NUTM2B: variants seen among roughly 807,000 people sequenced by gnomAD.
NUTM2B encodes the protein NUT family member 2B.
Under a neutral mutation model 42.4 loss-of-function variants are expected in NUTM2B, and 2 were observed. The observed-to-expected ratio is 0.05, with a 90% confidence interval of 0.02 to 0.15. The LOEUF is 0.15. Ranked by LOEUF, NUTM2B falls within the 10% of genes least tolerant of loss-of-function variation. NUTM2B has a pLI of 1.00. For missense variants in NUTM2B, 58 were observed against 952.6 expected, an observed-to-expected ratio of 0.06 and a Z score of 12.36; for synonymous variants, 18 against 402.4, an observed-to-expected ratio of 0.04 and a Z score of 11.43.
chr10:79,701,125 C>T (rs1398813467), upstream of NUTM2B, among the ~76,000 whole-genome samples: 1 of 152,076 alleles, frequency 6.6e-6, no homozygotes, highest in African/African-American at 2.4e-5. Flanking sequence ...TTCATTCCTG[C>T]TCATGCCTTT....
the NUTM2B span, among the ~76,000 whole-genome samples, chr10:79,694,846 G>A: frequency 3.3e-5 from 5 of 152,010 alleles, no homozygotes; most frequent in African/African-American, 1.2e-4. Flanking sequence ...AACACAGATC[G>A]GTGCCTCCTC....
chr10:79,707,243 C>T (rs1840410020), intron 2 of NUTM2B, among the ~76,000 whole-genome samples: 1 of 132,490 alleles, frequency 7.5e-6, no homozygotes, highest in Non-Finnish European at 1.6e-5. Context: ...GTCTCGGGCC[C>T]TGCACTGGGG....
chr10:79,697,656 T>A, the NUTM2B span, among the ~76,000 whole-genome samples: 1 of 152,266 alleles, frequency 6.6e-6, no homozygotes, highest in Non-Finnish European at 1.5e-5. Context: ...TTCTATTTTT[T>A]TCTTTTGTTA....
At chr10:79,700,940 G>C (rs2434100), upstream of NUTM2B, among the ~76,000 whole-genome samples, 1 of 152,120 alleles carries the variant, frequency 6.6e-6, no homozygotes, top group Non-Finnish European at 1.5e-5. Flanking sequence ...CTCCATGACC[G>C]TGCCTCTGAG....
the NUTM2B span, among the ~76,000 whole-genome samples, chr10:79,694,568 C>T: frequency 4.1e-3 from 619 of 152,134 alleles, 25 homozygotes; most frequent in Non-Finnish European, 9.6e-4. Context: ...CTCCAGAACC[C>T]AGCTCCCAGC....
the NUTM2B span, among the ~76,000 whole-genome samples, chr10:79,696,745 A>C: frequency 2.6e-5 from 4 of 152,258 alleles, no homozygotes; most frequent in African/African-American, 9.6e-5. Context: ...TTAAGATGTT[A>C]ATGATTCACC....
At chr10:79,695,500 C>T in the NUTM2B span, among the ~76,000 whole-genome samples, 2 of 152,172 alleles carry the variant, frequency 1.3e-5, no homozygotes, top group Non-Finnish European at 2.9e-5. Flanking sequence ...CCTGCCTTAG[C>T]CCCGAAGCCT....
chr10:79,709,402 C>T (rs1187157431), intron 3 of NUTM2B, among the ~76,000 whole-genome samples: 1 of 134,990 alleles, frequency 7.4e-6, no homozygotes, highest in Non-Finnish European at 1.6e-5. Context: ...CAGGAGTCTC[C>T]CAGGCCTCGT....
chr10:79,699,235 T>C (rs1480573517), upstream of NUTM2B, among the ~76,000 whole-genome samples: 3 of 151,850 alleles, frequency 2.0e-5, no homozygotes, highest in Non-Finnish European at 2.9e-5. Context: ...TTATTGCCCA[T>C]GTGCACAAGA....
intron 2 of NUTM2B, among the ~76,000 whole-genome samples, chr10:79,706,955 G>A (rs551138281): frequency 1.0e-4 from 11 of 109,936 alleles, no homozygotes; most frequent in African/African-American, 3.7e-4. Flanking sequence ...TCACTGTCCC[G>A]TGAGTCCGGC....
chr10:79,701,462 G>C (rs1379030637), upstream of NUTM2B, among the ~76,000 whole-genome samples: 1 of 152,028 alleles, frequency 6.6e-6, no homozygotes, highest in Non-Finnish European at 1.5e-5. Flanking sequence ...ACCTTCAGAA[G>C]AAACTTTAAT....
rs1253815280 is a variant in NUTM2B at position 79,707,263 on chromosome 10, G to A, written c.1082+522G>A. 5.5e-4 allele frequency among the ~76,000 whole-genome samples: 72 copies of A among 131,300 alleles called. 1 individual carries two copies. The highest frequency in any genetic ancestry group is 2.1e-3 in the African/African-American group (71 of 34,054). 86.1% of individuals were successfully genotyped at this position (131,300 alleles called of 152,430 possible). A position where few individuals can be genotyped will look rare whatever the true frequency, so the allele number is the denominator to read the frequency against. ...GGGCCCTGCACTGGGGCCGATGCCGGGCAGGTATTTGCATCTTCACCCTCA... is the reference window on the plus strand; with the variant it reads ...GGGCCCTGCACTGGGGCCGATGCCGAGCAGGTATTTGCATCTTCACCCTCA... On this transcript the variant is annotated intron_variant, in intron 2 of 6. Coordinates refer to ENST00000429828, the Ensembl canonical transcript of NUTM2B.
upstream of NUTM2B, among the ~76,000 whole-genome samples, chr10:79,700,826 C>T (rs1445423440): frequency 6.6e-6 from 1 of 152,216 alleles, no homozygotes; most frequent in Admixed American, 6.5e-5. Context: ...GCACACGGGG[C>T]AGGCCAGGAG....
chr10:79,709,195 A>G (rs1589264057), intron 3 of NUTM2B, among the ~76,000 whole-genome samples: 1 of 120,700 alleles, frequency 8.3e-6, no homozygotes, highest in Non-Finnish European at 1.7e-5. Flanking sequence ...AGCAGTGGCC[A>G]GAAGTCGGTT....
At chr10:79,694,281 C>G in the NUTM2B span, among the ~76,000 whole-genome samples, 2 of 151,974 alleles carry the variant, frequency 1.3e-5, no homozygotes, top group African/African-American at 4.8e-5. Flanking sequence ...CCTGTAATCC[C>G]AGCTACTCTG....
intron 3 of NUTM2B, 68 bp from the exon 4 acceptor site, chr10:79,709,732 C>A (rs1393659419): frequency 1.9e-6 from 1 of 513,400 alleles, no homozygotes; most frequent in Non-Finnish European, 3.3e-6. Context: ...TGCCCTCGGC[C>A]GCTGCCTGGT....
chr10:79,698,961 C>T (rs1311590404), upstream of NUTM2B, among the ~76,000 whole-genome samples: 11 of 152,206 alleles, frequency 7.2e-5, no homozygotes, highest in Non-Finnish European at 1.3e-4. Flanking sequence ...AATGCTCACA[C>T]AGAAATAACT....
chr10:79,694,856 C>T, the NUTM2B span, among the ~76,000 whole-genome samples: 1 of 152,228 alleles, frequency 6.6e-6, no homozygotes, highest in Non-Finnish European at 1.5e-5. Context: ...GGTGCCTCCT[C>T]TCCTTGACTC....
chr10:79,699,695 G>A (rs186676506), upstream of NUTM2B, among the ~76,000 whole-genome samples: 193 of 152,210 alleles, frequency 1.3e-3, no homozygotes, highest in Admixed American at 8.6e-3. Flanking sequence ...CATCTGCCTC[G>A]GCCTCTCAAA....
Sources: allele counts gnomAD v4.1 joint callset (sites outside exome capture counted in the v4.1 genomes callset), GRCh38; gene constraint gnomAD v4.1.1; transcripts MANE v1.5; gene names NCBI Gene and HGNC (gene_info 2026-07-23, HGNC 2026-07-21).